Variants in R3HDM1 observed in about 807,000 individuals in gnomAD.
The protein encoded by R3HDM1 is R3H domain-containing protein 1.
Under a neutral mutation model 141.1 loss-of-function variants are expected in R3HDM1, and 46 were observed. That is an observed-to-expected ratio of 0.33 (90% CI 0.26 to 0.42). The LOEUF is 0.42. Among genes scored for constraint, R3HDM1 ranks in the 10% least tolerant of loss-of-function variants. The probability of loss-of-function intolerance (pLI) is 1.00; values close to 1 mark genes in which losing one functional copy is unlikely to be tolerated. For synonymous variants in R3HDM1, 435 were observed against 472.9 expected (o/e 0.92, Z 1.04); for missense variants, 1,184 against 1,368.3 (o/e 0.87, Z 2.12).
chr2:135,606,497 G>A (rs1191767358), intron 3 of R3HDM1: 10 of 152,054 alleles, frequency 6.6e-5, no homozygotes, highest in African/African-American at 2.4e-4. Flanking sequence ...TAGGCCGGGA[G>A]CGATGGCTGT....
intron 1 of R3HDM1, among the ~76,000 whole-genome samples, chr2:135,575,343 T>C (rs1705159590): frequency 6.6e-6 from 1 of 152,144 alleles, no homozygotes; most frequent in African/African-American, 2.4e-5. Flanking sequence ...TCCCCACACC[T>C]GGATATTTTT....
At chr2:135,592,624 A>G (rs1709542170) in intron 1 of R3HDM1, among the ~76,000 whole-genome samples, 2 of 151,866 alleles carry the variant, frequency 1.3e-5, no homozygotes, top group Non-Finnish European at 2.9e-5. Flanking sequence ...TCACATCCTT[A>G]TTATCCATAG....
rs1309044553 is a variant in R3HDM1 at position 135,651,168 on chromosome 2, G to T, written c.1726-562G>T. The T allele has an allele frequency of 3.0e-6, 3 of 985,208 alleles. No individual in the cohort carries two copies. The African/African-American group carries it at 5.2e-5, about 17-fold the overall frequency. 61.0% of individuals were successfully genotyped at this position (985,208 alleles called of 1,614,324 possible). A position where few individuals can be genotyped will look rare whatever the true frequency, so the allele number is the denominator to read the frequency against. ...GATTGAAAAACACAAGGGAAGAATG[G>T]AATGTATGGCCAAATTATTTTTGAA... On this transcript the variant is annotated intron_variant, in intron 17 of 26. Coordinates refer to ENST00000683871, the MANE Select transcript of R3HDM1 (RefSeq NM_001378107.1).
At chr2:135,706,391 GT>G (rs201950140) in intron 21 of R3HDM1, among the ~76,000 whole-genome samples, 1 of 140,166 alleles carries the variant, frequency 7.1e-6, no homozygotes, top group Admixed American at 7.0e-5. Flanking sequence ...TTTTGTTTTT[GT>G]TTTTTTTGAA....
Position 135,635,923 on chromosome 2 carries a change from T to C in R3HDM1, c.732T>C (p.Asp244=). 1 of 1,608,920 alleles carries C rather than the reference T, an allele frequency of 6.2e-7. No homozygotes were observed. Among genetic ancestry groups the C allele is most frequent in the Non-Finnish European group, 8.5e-7 (1 of 1,178,310 alleles). ...PDQKFNEHIK[D]DKGEDFQKRY... is the part of the protein sequence containing the mutation. ...AGAAATTTAATGAACATATTAAGGA[T>C]GATAAAGGTGAAGACTTTCAGAAAC... is the stretch of plus-strand genomic sequence containing the variant. The change falls in exon 10 of 27, where the codon GAT becomes GAC. Residue 244 remains aspartate (D), a synonymous_variant. Transcript: ENST00000683871.
intron 1 of R3HDM1, among the ~76,000 whole-genome samples, chr2:135,561,589 G>A (rs1443271234): frequency 1.3e-5 from 2 of 151,948 alleles, no homozygotes; most frequent in Non-Finnish European, 2.9e-5. Flanking sequence ...GTGGTTGCAT[G>A]TGCCTGTGGT....
chr2:135,546,147 A>G (rs1457915700), intron 1 of R3HDM1, among the ~76,000 whole-genome samples: 1 of 152,172 alleles, frequency 6.6e-6, no homozygotes, highest in African/African-American at 2.4e-5. Context: ...TTCCTAAGAG[A>G]ATGTTTGTCT....
In R3HDM1 at chr2:135,710,025, TTC is replaced by T. The variant is rs760016379; in HGVS notation, c.2564-32_2564-31del. On this transcript the variant is annotated intron_variant, in intron 22 of 26. Transcript: ENST00000683871. ...GAAACACCAACTAGTTGCTAAAATA[TTC>T]TGACTATAGCATCCTAAATTCTGAT... The T allele has an allele frequency of 1.8e-5, 29 of 1,586,924 alleles. No individual in the cohort carries two copies. The African/African-American group carries it at 2.8e-4, about 15-fold the overall frequency.
chr2:135,708,030 G>A (rs1278270322), intron 21 of R3HDM1, among the ~76,000 whole-genome samples: 2 of 152,100 alleles, frequency 1.3e-5, no homozygotes. Flanking sequence ...ATAAACAGAA[G>A]TATACTGAAC....
chr2:135,665,589 CATCATACTCAGAA>C (rs932005889), intron 19 of R3HDM1: 5 of 306,962 alleles, frequency 1.6e-5, no homozygotes, highest in African/African-American at 1.1e-4. Context: ...TTAAATCATG[CATCATACTCAGAA>C]ATAGGGATTA....
At chr2:135,619,615 C>CTT (rs951535248) in intron 5 of R3HDM1, 1 of 373,680 alleles carries the variant, frequency 2.7e-6, no homozygotes, top group African/African-American at 2.2e-5. Context: ...AGTAGGAAGT[C>CTT]TTTTTCCAAG....
chr2:135,562,114 C>T (rs1433355962), intron 1 of R3HDM1, among the ~76,000 whole-genome samples: 2 of 152,198 alleles, frequency 1.3e-5, no homozygotes, highest in East Asian at 3.8e-4. Flanking sequence ...CAGCCCATTG[C>T]ACAATATCTC....
chr2:135,635,366 C>A (rs1208010744), intron 9 of R3HDM1, among the ~76,000 whole-genome samples: 3 of 152,146 alleles, frequency 2.0e-5, no homozygotes, highest in Non-Finnish European at 4.4e-5. Flanking sequence ...CTGACCTGAG[C>A]TCCAACTATG....
intron 3 of R3HDM1, chr2:135,607,177 C>T: frequency 4.0e-6 from 1 of 250,028 alleles, no homozygotes; most frequent in Non-Finnish European, 6.3e-6. Context: ...TTTGTAGAAA[C>T]AGGGTTTCAC....
At chr2:135,615,380 G>A (rs905254442) in intron 3 of R3HDM1, among the ~76,000 whole-genome samples, 1 of 152,112 alleles carries the variant, frequency 6.6e-6, no homozygotes, top group Non-Finnish European at 1.5e-5. Flanking sequence ...ACTATTTGGT[G>A]TTGGGTTTGG....
At chr2:135,653,381 T>G (rs2065375954) in intron 18 of R3HDM1, among the ~76,000 whole-genome samples, 2 of 152,112 alleles carry the variant, frequency 1.3e-5, no homozygotes, top group African/African-American at 4.8e-5. Context: ...TTTCATTAAT[T>G]TTTATGATTT....
At chr2:135,585,457 A>G (rs970721297) in intron 1 of R3HDM1, among the ~76,000 whole-genome samples, 1 of 152,136 alleles carries the variant, frequency 6.6e-6, no homozygotes, top group Non-Finnish European at 1.5e-5. Context: ...TGTCTGATGG[A>G]TCCTTACAAC....
At chr2:135,607,207 T>A in intron 3 of R3HDM1, 1 of 445,974 alleles carries the variant, frequency 2.2e-6, no homozygotes, top group Non-Finnish European at 3.0e-6. Context: ...CAGGATGGTC[T>A]CGATCTCTTG....
At chr2:135,626,209 GTGCTTGCT>G (rs56860646) in intron 7 of R3HDM1, among the ~76,000 whole-genome samples, 29 of 143,448 alleles carry the variant, frequency 2.0e-4, no homozygotes, top group Admixed American at 6.1e-4. Context: ...GCGTGCGTGC[GTGCTTGCT>G]TGCTTGCTTG....
Sources: gnomAD v4.1 joint callset for allele counts (sites outside exome capture counted in the v4.1 genomes callset) on GRCh38, gnomAD v4.1.1 for gene constraint, MANE v1.5 for transcripts, NCBI Gene and HGNC (gene_info 2026-07-23, HGNC 2026-07-21) for gene names.